The following TMEM178B variants were observed in gnomAD, a reference collection of about 807,000 sequenced individuals.
TMEM178B encodes transmembrane protein 178B.
TMEM178B carries 5 observed loss-of-function variants against 31.0 expected under a neutral mutation model. That is an observed-to-expected ratio of 0.16 (90% confidence interval 0.08 to 0.34). The LOEUF (loss-of-function observed/expected upper bound fraction) is 0.34, where lower values mean the gene tolerates loss of function less well. TMEM178B is among the 10% of genes least tolerant of loss of function. The pLI, the probability that TMEM178B is intolerant of heterozygous loss-of-function variation, is 1.00. For synonymous variants in TMEM178B, 164 were observed against 164.0 expected (o/e 1.00, Z 0.00); for missense variants, 275 against 400.3 (o/e 0.69, Z 2.67).
intron 1 of TMEM178B, among the ~76,000 whole-genome samples, chr7:141,175,773 G>A (rs1796423756): frequency 6.6e-6 from 1 of 152,120 alleles, no homozygotes; most frequent in Non-Finnish European, 1.5e-5. Context: ...TGTTATTGGT[G>A]TATAGGAATG....
chr7:141,392,462 A>AT (rs1282538623), intron 2 of TMEM178B, among the ~76,000 whole-genome samples: 2 of 152,192 alleles, frequency 1.3e-5, no homozygotes, highest in African/African-American at 4.8e-5. Context: ...AAAAAGTTTG[A>AT]TTTTCAGTCA....
intron 2 of TMEM178B, among the ~76,000 whole-genome samples, chr7:141,286,273 A>G (rs1213193276): frequency 6.6e-6 from 1 of 152,228 alleles, no homozygotes; most frequent in African/African-American, 2.4e-5. Context: ...AGGAGGGTCA[A>G]CAGTCATCTA....
chr7:141,268,144 G>A (rs756768488), intron 2 of TMEM178B, among the ~76,000 whole-genome samples: 6 of 152,218 alleles, frequency 3.9e-5, no homozygotes, highest in Non-Finnish European at 7.4e-5. Context: ...AAATAAACTC[G>A]CACTAACTTG....
chr7:141,363,469 G>T (rs1240568754), intron 2 of TMEM178B, among the ~76,000 whole-genome samples: 1 of 152,144 alleles, frequency 6.6e-6, no homozygotes, highest in Non-Finnish European at 1.5e-5. Flanking sequence ...TAATTTTCAC[G>T]TGAGAGAAAT....
chr7:141,308,024 T>C (rs189601923), intron 2 of TMEM178B, among the ~76,000 whole-genome samples: 23 of 152,370 alleles, frequency 1.5e-4, no homozygotes, highest in Middle Eastern at 6.8e-3. Context: ...TAAAGCACTT[T>C]TCACTTATTG....
intron 2 of TMEM178B, among the ~76,000 whole-genome samples, chr7:141,261,358 C>T (rs1469025859): frequency 6.6e-6 from 1 of 151,896 alleles, no homozygotes; most frequent in Non-Finnish European, 1.5e-5. Context: ...CTTTGCTACC[C>T]TTAAATTGGT....
At chr7:141,498,502 A>C in the TMEM178B span, among the ~76,000 whole-genome samples, 1 of 152,234 alleles carries the variant, frequency 6.6e-6, no homozygotes, top group Non-Finnish European at 1.5e-5. Flanking sequence ...TGGCCTTAAT[A>C]TGTTCAGCCT....
chr7:141,362,978 G>GTA (rs1156245344), intron 2 of TMEM178B, among the ~76,000 whole-genome samples: 1 of 152,242 alleles, frequency 6.6e-6, no homozygotes, highest in African/African-American at 2.4e-5. Context: ...GTTTGAGCAG[G>GTA]TATAGCAAAG....
chr7:141,231,202 T>C (rs1797437459), intron 2 of TMEM178B, among the ~76,000 whole-genome samples: 1 of 151,778 alleles, frequency 6.6e-6, no homozygotes, highest in South Asian at 2.1e-4. Context: ...AGCTGGTGCA[T>C]ACAGAAGGCA....
At chr7:141,211,770 T>C (rs1027879150) in intron 1 of TMEM178B, among the ~76,000 whole-genome samples, 9 of 152,206 alleles carry the variant, frequency 5.9e-5, no homozygotes, top group Non-Finnish European at 1.0e-4. Context: ...AGGCAGTGGT[T>C]CTCAAACTTA....
In TMEM178B at chr7:141,473,642, A is replaced by G. The variant is rs1323664190; in HGVS notation, c.*2856A>G. ...TGAAATGTTAGAAAGCTCCCAGGAA[A>G]GACGTAAACAACCTGGGCTCAACTC... is the stretch of plus-strand genomic sequence containing the variant. On this transcript the variant is annotated 3_prime_UTR_variant, in exon 4 of 4. Coordinates refer to ENST00000565468, the MANE Select transcript of TMEM178B (RefSeq NM_001195278.2). 1.3e-5 allele frequency: 2 copies of G among 152,232 alleles called. No individual in the cohort carries two copies. The highest frequency in any genetic ancestry group is 2.4e-5 in the African/African-American group (1 of 41,456). 9.4% of individuals were successfully genotyped at this position (152,232 alleles called of 1,614,324 possible).
chr7:141,490,092 A>G, the TMEM178B span, among the ~76,000 whole-genome samples: 1 of 152,092 alleles, frequency 6.6e-6, no homozygotes, highest in African/African-American at 2.4e-5. Flanking sequence ...AGGAGAGATG[A>G]TTTGCAGAGT....
chr7:141,164,746 G>GA (rs1281733453), intron 1 of TMEM178B, among the ~76,000 whole-genome samples: 1 of 152,172 alleles, frequency 6.6e-6, no homozygotes, highest in Non-Finnish European at 1.5e-5. Context: ...ATAAGAAAAA[G>GA]AGGTTTGCAA....
At chr7:141,279,526 A>G (rs1224431400) in intron 2 of TMEM178B, among the ~76,000 whole-genome samples, 1 of 152,116 alleles carries the variant, frequency 6.6e-6, no homozygotes, top group African/African-American at 2.4e-5. Flanking sequence ...AAGAAGAGGG[A>G]TGGGGAGAGC....
chr7:141,188,113 T>C (rs907317407), intron 1 of TMEM178B, among the ~76,000 whole-genome samples: 5 of 152,312 alleles, frequency 3.3e-5, no homozygotes, highest in South Asian at 4.1e-4. Flanking sequence ...TTGAATTAAT[T>C]TTTGTATAAG....
rs192808513 is a variant in TMEM178B, at chr7:141,360,017, A to T, written c.497-77591A>T. Among the ~76,000 whole-genome samples the T allele has an allele frequency of 2.6e-3, 390 of 152,194 alleles. 3 individuals carry two copies. Among genetic ancestry groups the T allele is most frequent in the African/African-American group, 8.5e-3 (354 of 41,514 alleles). ...AGGAAACCGCCTTCATGATTCAATT[A>T]TCTCCCACCGGGTTCCTCCCACAAC... On this transcript the variant is annotated intron_variant, in intron 2 of 3. Coordinates refer to ENST00000565468, the MANE Select transcript of TMEM178B (RefSeq NM_001195278.2).
intron 3 of TMEM178B, among the ~76,000 whole-genome samples, chr7:141,457,998 G>T (rs1217807429): frequency 2.0e-5 from 3 of 152,220 alleles, no homozygotes; most frequent in Non-Finnish European, 4.4e-5. Flanking sequence ...CACACTGTTG[G>T]CAGTGTTGGT....
At chr7:141,367,440 A>G (rs1391526655) in intron 2 of TMEM178B, among the ~76,000 whole-genome samples, 2 of 151,882 alleles carry the variant, frequency 1.3e-5, no homozygotes, top group Admixed American at 6.6e-5. Context: ...ACACCTGGCT[A>G]ATTTTTGTAT....
At chr7:141,293,770 A>T (rs982158398) in intron 2 of TMEM178B, among the ~76,000 whole-genome samples, 3 of 152,170 alleles carry the variant, frequency 2.0e-5, no homozygotes, top group Admixed American at 6.5e-5. Context: ...GAAAGGCTTT[A>T]TGTGTAATGC....
Sources: gnomAD v4.1 joint callset for allele counts (sites outside exome capture counted in the v4.1 genomes callset) on GRCh38, gnomAD v4.1.1 for gene constraint, MANE v1.5 for transcripts, NCBI Gene and HGNC (gene_info 2026-07-23, HGNC 2026-07-21) for gene names.